MYOM1: variants seen among roughly 807,000 people sequenced by gnomAD.
MYOM1 encodes myomesin-1.
Under a neutral mutation model 205.3 loss-of-function variants are expected in MYOM1, and 164 were observed. The observed-to-expected ratio is 0.80, with a 90% CI of 0.70 to 0.91. MYOM1 has a LOEUF of 0.91. Among genes scored for constraint, MYOM1 ranks in the 40% least tolerant of loss-of-function variants. The pLI is 0.00. For synonymous variants in MYOM1, 772 were observed against 789.4 expected (o/e 0.98, Z 0.37); for missense variants, 2,011 against 2,127.3 (o/e 0.95, Z 1.08).
intron 29 of MYOM1, among the ~76,000 whole-genome samples, chr18:3,088,929 T>C (rs964217288): frequency 6.6e-6 from 1 of 152,314 alleles, no homozygotes; most frequent in East Asian, 1.9e-4. Flanking sequence ...TAGATAAAAG[T>C]CTAGGGTGTT....
At chr18:3,243,436 T>A in the MYOM1 span, among the ~76,000 whole-genome samples, 1 of 152,246 alleles carries the variant, frequency 6.6e-6, no homozygotes, top group African/African-American at 2.4e-5. Flanking sequence ...CATTCTGCTA[T>A]GCTTCCTTGC....
chr18:3,087,968 CAG>C (rs1475225127), intron 29 of MYOM1, among the ~76,000 whole-genome samples: 3 of 152,186 alleles, frequency 2.0e-5, no homozygotes, highest in African/African-American at 7.2e-5. Flanking sequence ...TATGCGAAGA[CAG>C]AGGAAGCGGG....
intron 5 of MYOM1, among the ~76,000 whole-genome samples, chr18:3,178,210 T>A (rs2080677271): frequency 6.6e-6 from 1 of 152,244 alleles, no homozygotes; most frequent in Admixed American, 6.5e-5. Flanking sequence ...GAGAATTGAC[T>A]ATGAGCCAGG....
intron 37 of MYOM1, among the ~76,000 whole-genome samples, chr18:3,070,344 G>A (rs1224994277): frequency 6.6e-6 from 1 of 151,788 alleles, no homozygotes; most frequent in South Asian, 2.1e-4. Context: ...GTAGAGTCGG[G>A]GTCTCATTAT....
chr18:3,133,192 C>T (rs772278055), intron 16 of MYOM1, among the ~76,000 whole-genome samples: 1 of 152,122 alleles, frequency 6.6e-6, no homozygotes, highest in Non-Finnish European at 1.5e-5. Context: ...CACCAACAGG[C>T]TAAATGAATC....
In MYOM1 at chr18:3,091,211, G is replaced by C. The variant is rs372508501; in HGVS notation, c.3865-409C>G. Among the ~76,000 whole-genome samples, 11 of 152,208 alleles carry C rather than the reference G, an allele frequency of 7.2e-5. No individual in the cohort carries two copies. In the East Asian group the frequency reaches 1.4e-3, roughly 19 times the overall value. ...TGCGCCTGTAATCCCAGCTACCTGGGAGGCTGAGCCAGGAGAATTGCTTGA... is the reference window on the plus strand; with the variant it reads ...TGCGCCTGTAATCCCAGCTACCTGGCAGGCTGAGCCAGGAGAATTGCTTGA... On this transcript the variant is annotated intron_variant, in intron 26 of 37. Transcript: ENST00000356443.
chr18:3,221,528 A>G (rs752610007), upstream of MYOM1, among the ~76,000 whole-genome samples: 3 of 152,234 alleles, frequency 2.0e-5, no homozygotes, highest in Non-Finnish European at 4.4e-5. Context: ...AAGGGAAGGC[A>G]TTTGCCAAAG....
upstream of MYOM1, among the ~76,000 whole-genome samples, chr18:3,223,528 A>G (rs1044011032): frequency 1.3e-5 from 2 of 152,212 alleles, no homozygotes; most frequent in African/African-American, 4.8e-5. Context: ...TAACTTTGAA[A>G]AATCATTTCA....
At chr18:3,215,753 T>A (rs2081257902) in intron 1 of MYOM1, among the ~76,000 whole-genome samples, 1 of 152,126 alleles carries the variant, frequency 6.6e-6, no homozygotes, top group Admixed American at 6.6e-5. Flanking sequence ...TTAAAAAAAA[T>A]TGTATCTAGG....
At chr18:3,233,554 A>G in the MYOM1 span, among the ~76,000 whole-genome samples, 1 of 152,172 alleles carries the variant, frequency 6.6e-6, no homozygotes, top group Non-Finnish European at 1.5e-5. Context: ...AACTTAACCT[A>G]TGGCTCTCTG....
At chr18:3,214,045 G>C (rs1019444880) in intron 2 of MYOM1, among the ~76,000 whole-genome samples, 4 of 152,168 alleles carry the variant, frequency 2.6e-5, no homozygotes, top group Admixed American at 2.6e-4. Flanking sequence ...TCGGAATACA[G>C]GTTGGTTCCT....
At chr18:3,086,492 T>C (rs1170535919) in intron 29 of MYOM1, among the ~76,000 whole-genome samples, 1 of 151,878 alleles carries the variant, frequency 6.6e-6, no homozygotes, top group East Asian at 1.9e-4. Context: ...GGGAGAAAAA[T>C]CCCATCAGAT....
At chr18:3,156,512 G>A (rs992841891) in intron 10 of MYOM1, among the ~76,000 whole-genome samples, 3 of 152,212 alleles carry the variant, frequency 2.0e-5, no homozygotes, top group Non-Finnish European at 4.4e-5. Flanking sequence ...AGTGCTATAG[G>A]AGAATGTAAC....
intron 22 of MYOM1, among the ~76,000 whole-genome samples, chr18:3,110,612 G>A (rs993263576): frequency 6.6e-6 from 1 of 152,146 alleles, no homozygotes; most frequent in East Asian, 1.9e-4. Flanking sequence ...TTCCTATTTT[G>A]AGGAGCTATG....
intron 37 of MYOM1, 71 bp downstream of exon 37, chr18:3,071,763 G>A (rs1006339081): frequency 1.2e-4 from 171 of 1,478,040 alleles, no homozygotes; most frequent in Middle Eastern, 1.7e-4. Context: ...TTAAAAGAAG[G>A]AACAAAATCT....
chr18:3,134,073 TGGTCTCAAACTCCTGGGCTCAAGCA>T (rs59312465), intron 16 of MYOM1, among the ~76,000 whole-genome samples: 68,141 of 151,734 alleles, frequency 0.45, 15,872 homozygotes, highest in East Asian at 0.71. Flanking sequence ...TTGCCCAGGC[TGGTCTCAAACTCCTGGGCTCAAGCA>T]GGTCTCAAAC....
In MYOM1 at chr18:3,214,846, G is replaced by A. The variant is rs757635047; in HGVS notation, c.290+88C>T. On this transcript the variant is annotated intron_variant, in intron 2 of 37. Transcript: ENST00000356443. ...TGTCTCAAAAAACCAAAACCGAACC[G>A]AAACAAAGCGAGAAGTAACTGGGAG... The A allele has an allele frequency of 6.3e-6, 9 of 1,431,634 alleles. No homozygotes were observed. In the Admixed American group the frequency reaches 2.4e-4, roughly 38 times the overall value. The allele number at this position is 1,431,634 out of a possible 1,614,324, so 88.7% of individuals were successfully genotyped here. A position where few individuals can be genotyped will look rare whatever the true frequency, so the allele number is the denominator to read the frequency against.
intron 25 of MYOM1, among the ~76,000 whole-genome samples, chr18:3,098,574 A>C (rs982426813): frequency 5.3e-5 from 8 of 151,748 alleles, no homozygotes; most frequent in African/African-American, 1.9e-4. Flanking sequence ...ACCACACCCC[A>C]CCCTCTTACA....
chr18:3,098,606 T>C (rs558594486), intron 25 of MYOM1, among the ~76,000 whole-genome samples: 3 of 152,090 alleles, frequency 2.0e-5, no homozygotes, highest in Non-Finnish European at 4.4e-5. Context: ...TGGGAGGTGC[T>C]ATAAACCACT....
Sources: gnomAD v4.1 joint callset for allele counts (sites outside exome capture counted in the v4.1 genomes callset) on GRCh38, gnomAD v4.1.1 for gene constraint, MANE v1.5 for transcripts, NCBI Gene and HGNC (gene_info 2026-07-23, HGNC 2026-07-21) for gene names.